The following PLA2G4F variants were observed in gnomAD, a reference collection of about 807,000 sequenced individuals.
The protein encoded by PLA2G4F is phospholipase A2 group IVF.
In PLA2G4F, 105 loss-of-function variants were observed where a neutral mutation model predicts 103.1. The ratio of observed to expected loss-of-function variants is 1.02; its 90% CI spans 0.87 to 1.20. The LOEUF is 1.20. Ranked by LOEUF, PLA2G4F falls within the 50% of genes most tolerant of loss-of-function variation. PLA2G4F has a pLI of 0.00. For missense variants in PLA2G4F, 1,155 were observed against 1,075.9 expected, an observed-to-expected ratio of 1.07 and a Z score of -1.03; for synonymous variants, 468 against 441.1, an observed-to-expected ratio of 1.06 and a Z score of -0.76.
chr15:42,142,615 G>A lies in PLA2G4F; in HGVS notation c.2242C>T (p.Leu748=). ...EDMEEARECY[L]FAKAEDPRSP... is the part of the protein sequence containing the mutation. ...CGGGGGTCCTCAGCCTTGGCAAACA[G>A]ATAGCACTCACGGGCCTCCTCCATG... Residue 748 remains leucine (L), a synonymous_variant, in exon 19 of 20, where the codon CTG becomes TTG. Transcript: ENST00000397272. 1.9e-6 allele frequency: 3 copies of A among 1,614,128 alleles called. No individual in the cohort carries two copies. The highest frequency in any genetic ancestry group is 2.5e-6 in the Non-Finnish European group (3 of 1,180,006).
intron 16 of PLA2G4F, among the ~76,000 whole-genome samples, chr15:42,145,164 G>A (rs1474347348): frequency 6.6e-6 from 1 of 152,226 alleles, no homozygotes; most frequent in Non-Finnish European, 1.5e-5. Context: ...AGGCATCCTG[G>A]AGGGATGGAG....
chr15:42,141,897 CAG>C lies in PLA2G4F; in HGVS notation c.*85_*86del. The stretch of plus-strand genomic sequence containing the variant: ...GGAGAGAAGGGAAGCAGATCCTGCA[CAG>C]AGTCCCCATCGCTCCTCCCTCTACA... On this transcript the variant is annotated 3_prime_UTR_variant, in exon 20 of 20. Transcript: ENST00000397272. 1 of 1,346,966 alleles carries C rather than the reference CAG, an allele frequency of 7.4e-7. No homozygotes were observed. Among genetic ancestry groups the C allele is most frequent in the Non-Finnish European group, 1.0e-6 (1 of 969,728 alleles). 83.4% of individuals were successfully genotyped at this position (1,346,966 alleles called of 1,614,324 possible).
At position 42,155,528 on chromosome 15, in the gene PLA2G4F, C is replaced by T; in HGVS notation, c.173G>A (p.Gly58Asp). The T allele has an allele frequency of 1.2e-6, 2 of 1,614,054 alleles. No homozygotes were observed. Among genetic ancestry groups the T allele is most frequent in the Non-Finnish European group, 1.7e-6 (2 of 1,179,926 alleles). ...ATGGGGTCACTCACGCAGGTCTGTG[C>T]CCCGGATGTTTGTGGCCCTCAGCAC... ...VKVLRATNIR[G>D]TDLLSKADCY... is the part of the protein sequence containing the mutation. The change falls in exon 2 of 20, where the codon GGC (glycine) becomes GAC (aspartate). Residue 58 changes from glycine (G) to aspartate (D), a missense_variant. Physicochemically the swap from Gly to Asp is moderately conservative, Grantham distance 94. Around this residue, in one of 3 missense-constraint regions of PLA2G4F, gnomAD observed 370 missense variants for 364.9 expected, o/e 1.01. Transcript: ENST00000397272.
chr15:42,151,245 T>A (rs1402371294), intron 7 of PLA2G4F: 16 of 984,660 alleles, frequency 1.6e-5, no homozygotes, highest in Non-Finnish European at 1.7e-5. Flanking sequence ...GTGTAGAACG[T>A]TGGGAGAGGA....
At position 42,139,112 on chromosome 15, in the gene PLA2G4F, T is replaced by C. The variant is rs1476422322; in HGVS notation, c.*2872A>G. 4 of 152,254 alleles carry C rather than the reference T, an allele frequency of 2.6e-5. No homozygotes were observed. The highest frequency in any genetic ancestry group is 9.6e-5 in the African/African-American group (4 of 41,454). 9.4% of individuals were successfully genotyped at this position (152,254 alleles called of 1,614,324 possible). ...CCTGAGAAGCTGGAGCTGCTTGCTT[T>C]TATTCAGTGCAGGCACAATGCCAAA... On this transcript the variant is annotated 3_prime_UTR_variant, in exon 20 of 20. Transcript: ENST00000397272.
In PLA2G4F at chr15:42,142,677, C is replaced by A; in HGVS notation, c.2180G>T (p.Gly727Val). The stretch of plus-strand genomic sequence containing the variant: ...CACCTCGATGCTAGGGAAGGGGATT[C>A]CTCGGTCCAGGCAGTACTTCTCTGT... ...KMTEKYCLDR[G>V]IPFPSIEVGP... Residue 727 changes from glycine (G) to valine (V), a missense_variant, in exon 19 of 20, where the codon GGA becomes GTA. This residue lies in a region of PLA2G4F where 782 missense variants were observed against 692.9 expected (regional missense o/e 1.13). Transcript: ENST00000397272. 1 of 1,614,158 alleles carries A rather than the reference C, an allele frequency of 6.2e-7. No individual in the cohort carries two copies. The highest frequency in any genetic ancestry group is 8.5e-7 in the Non-Finnish European group (1 of 1,180,034).
chr15:42,151,376 G>A (rs1183384176), intron 7 of PLA2G4F: 6 of 985,254 alleles, frequency 6.1e-6, no homozygotes, highest in South Asian at 4.7e-5. Flanking sequence ...GGAGGAGTGA[G>A]GGGGTGGGCT....
rs766815096 is a variant in PLA2G4F at position 42,153,592 on chromosome 15, T to C, written c.491+28A>G. 254 of 1,613,742 alleles carry C rather than the reference T, an allele frequency of 1.6e-4. 1 individual carries two copies. In the South Asian group the frequency reaches 2.6e-3, roughly 17 times the overall value. On this transcript the variant is annotated intron_variant, in intron 5 of 19. Transcript: ENST00000397272. Reference sequence around the variant, plus strand: ...GCCCTGACTCAAATCTCTGAGTCTCTGAGGGCGTTGGCTCTACCAGAACTC... The same window carrying C: ...GCCCTGACTCAAATCTCTGAGTCTCCGAGGGCGTTGGCTCTACCAGAACTC...
In PLA2G4F at chr15:42,154,424, C is replaced by T. The variant is rs1263180934; in HGVS notation, c.219G>A (p.Leu73=). ...GGGCAGGGCTTGGGGACGCCGTGGG[C>T]AGCCACAGTTGCACATAGCAGTCGG... is the stretch of plus-strand genomic sequence containing the variant. ...SKADCYVQLW[L]PTASPSPAQT... The change falls in exon 3 of 20, where the codon CTG becomes CTA. Residue 73 remains leucine, a synonymous_variant. Transcript: ENST00000397272. 10 of 1,607,598 alleles carry T rather than the reference C, an allele frequency of 6.2e-6. No homozygotes were observed. The highest frequency in any genetic ancestry group is 1.7e-4 in the Middle Eastern group (1 of 6,046).
At chr15:42,149,974 C>T in intron 10 of PLA2G4F, 126 bp from the exon 11 acceptor site, 1 of 1,532,172 alleles carries the variant, frequency 6.5e-7, no homozygotes. Flanking sequence ...AGCACCAGAA[C>T]CAGGGAGGGA....
rs1227018789 is a variant in PLA2G4F, at chr15:42,150,590, T to C, written c.771+18A>G. ...TGGGCTGAGTTGGATCTACCGACCA[T>C]CCTGGCGGCGCACTCACCTGCACAG... On this transcript the variant is annotated intron_variant, in intron 8 of 19. Transcript: ENST00000397272. 2 of 1,598,128 alleles carry C rather than the reference T, an allele frequency of 1.3e-6. No homozygotes were observed. The highest frequency in any genetic ancestry group is 2.2e-5 in the East Asian group (1 of 44,718).
Position 42,141,779 on chromosome 15 carries a change from T to C in PLA2G4F, c.*205A>G. 1 of 625,252 alleles carries C rather than the reference T, an allele frequency of 1.6e-6. No homozygotes were observed. Among genetic ancestry groups the C allele is most frequent in the South Asian group, 1.8e-5 (1 of 54,376 alleles). The allele number at this position is 625,252 out of a possible 1,614,324, so 38.7% of individuals were successfully genotyped here. A position where few individuals can be genotyped will look rare whatever the true frequency, so the allele number is the denominator to read the frequency against. ...TCCCTGGAGCGATCTACTGCCCATCTTCTCCAAAAACACACAAGGAGAGCC... is the reference window on the plus strand; with the variant it reads ...TCCCTGGAGCGATCTACTGCCCATCCTCTCCAAAAACACACAAGGAGAGCC... On this transcript the variant is annotated 3_prime_UTR_variant, in exon 20 of 20. Transcript: ENST00000397272.
chr15:42,150,609 T>G lies in PLA2G4F; in HGVS notation c.770A>C (p.Gln257Pro). 1 of 1,607,238 alleles carries G rather than the reference T, an allele frequency of 6.2e-7. No individual in the cohort carries two copies. Among genetic ancestry groups the G allele is most frequent in the South Asian group, 1.1e-5 (1 of 89,662 alleles). Residue 257 changes from glutamine (Q) to proline (P), a missense_variant and splice_region_variant, in exon 8 of 20, where the codon CAG becomes CCG. Physicochemically the swap from Gln to Pro is moderately conservative, Grantham distance 76. Around this residue, in one of 3 missense-constraint regions of PLA2G4F, gnomAD observed 370 missense variants for 364.9 expected, o/e 1.01. Coordinates refer to ENST00000397272, the MANE Select transcript of PLA2G4F (RefSeq NM_213600.4). ...VELMELLAAV[Q>P]SGPSAELEAQ... ...CGACCATCCTGGCGGCGCACTCACC[T>G]GCACAGCTGCCAGCAGCTCCATCAG...
rs757576553 is a variant in PLA2G4F, at chr15:42,147,106, T to G, written c.1419+18A>C. 1.2e-6 allele frequency: 2 copies of G among 1,605,862 alleles called. No individual in the cohort carries two copies. The highest frequency in any genetic ancestry group is 1.7e-6 in the Non-Finnish European group (2 of 1,175,046). Reference sequence around the variant, plus strand: ...AGTGGAGAGGAGCCTACGTATTTCCTTCTGGCTCTTCTCTCACCTCCTGGT... The same window carrying G: ...AGTGGAGAGGAGCCTACGTATTTCCGTCTGGCTCTTCTCTCACCTCCTGGT... On this transcript the variant is annotated intron_variant, in intron 13 of 19. Transcript: ENST00000397272.
intron 11 of PLA2G4F, 70 bp downstream of exon 11, chr15:42,149,643 G>A: frequency 2.5e-6 from 4 of 1,591,604 alleles, no homozygotes; most frequent in Non-Finnish European, 2.6e-6. Flanking sequence ...AGCCATGCTG[G>A]TCCTCTCAAG....
At chr15:42,145,484 C>T in intron 16 of PLA2G4F, 91 bp downstream of exon 16, 1 of 1,324,362 alleles carries the variant, frequency 7.6e-7, no homozygotes, top group Non-Finnish European at 1.1e-6. Context: ...CAGCCAAGTC[C>T]TTCTCTGTCC....
chr15:42,153,222 T>C, intron 6 of PLA2G4F, 78 bp downstream of exon 6: 1 of 1,473,622 alleles, frequency 6.8e-7, no homozygotes, highest in Non-Finnish European at 9.3e-7. Flanking sequence ...CAGAGGCAAC[T>C]GGGCCTGATG....
Position 42,150,159 on chromosome 15 carries a change from C to A in PLA2G4F, c.886-18G>T. 6.2e-7 allele frequency: 1 copy of A among 1,614,160 alleles called. No homozygotes were observed. Among genetic ancestry groups the A allele is most frequent in the African/African-American group, 1.3e-5 (1 of 75,064 alleles). ...TCCTGGCCCTGAAAGACACAGCAGCCCCAACCCTGAGTTCTCTGGGCAGGA... is the reference window on the plus strand; with the variant it reads ...TCCTGGCCCTGAAAGACACAGCAGCACCAACCCTGAGTTCTCTGGGCAGGA... On this transcript the variant is annotated intron_variant, in intron 9 of 19. Transcript: ENST00000397272.
intron 7 of PLA2G4F, chr15:42,151,607 A>G (rs1406192538): frequency 1.0e-6 from 1 of 985,306 alleles, no homozygotes; most frequent in Admixed American, 6.1e-5. Context: ...CCTGCCCTAC[A>G]GCCCCTCCTT....
Sources: gnomAD v4.1 joint callset for allele counts (sites outside exome capture counted in the v4.1 genomes callset) on GRCh38, gnomAD v4.1.1 for gene constraint, gnomAD v4.1.1 regional missense constraint, MANE v1.5 for transcripts, NCBI Gene and HGNC (gene_info 2026-07-23, HGNC 2026-07-21) for gene names.